The following CARS2 variants were observed in gnomAD, a reference collection of about 807,000 sequenced individuals.
CARS2 encodes cysteinyl-tRNA synthetase 2, mitochondrial.
In CARS2, 52 loss-of-function variants were observed where a neutral mutation model predicts 68.8. The ratio of observed to expected loss-of-function variants is 0.76; its 90% confidence interval spans 0.61 to 0.95. The LOEUF (loss-of-function observed/expected upper bound fraction) is 0.95. Among genes scored for constraint, CARS2 ranks in the 40% least tolerant of loss-of-function variants. The probability of loss-of-function intolerance (pLI) is 0.00; values close to 1 mark genes in which losing one functional copy is unlikely to be tolerated. For missense variants in CARS2, 780 were observed against 754.2 expected, an observed-to-expected ratio of 1.03 and a Z score of -0.40; for synonymous variants, 314 against 303.6, an observed-to-expected ratio of 1.03 and a Z score of -0.36.
chr13:110,644,662 T>G, intron 12 of CARS2, 179 bp from the exon 13 acceptor site: 1 of 1,058,528 alleles, frequency 9.4e-7, no homozygotes, highest in East Asian at 2.7e-5. Context: ...ACCATACAAC[T>G]ATAGGTGCAT....
intron 1 of CARS2, chr13:110,713,018 A>G (rs2064053090): frequency 2.6e-6 from 4 of 1,514,778 alleles, no homozygotes; most frequent in Non-Finnish European, 1.8e-6. Flanking sequence ...CTCAAAGGAC[A>G]CCGAGAGGGT....
intron 8 of CARS2, chr13:110,667,006 CAA>C: frequency 1.1e-6 from 1 of 927,588 alleles, no homozygotes; most frequent in Non-Finnish European, 1.3e-6. Context: ...TGTCTAGTGA[CAA>C]CATTATAGCT....
At chr13:110,671,984 G>A (rs550955440) in intron 7 of CARS2, among the ~76,000 whole-genome samples, 3 of 152,266 alleles carry the variant, frequency 2.0e-5, no homozygotes, top group African/African-American at 7.2e-5. Context: ...TTACATAATG[G>A]TAAAGGGATC....
chr13:110,681,180 C>T (rs1326876554), intron 6 of CARS2, among the ~76,000 whole-genome samples: 1 of 152,208 alleles, frequency 6.6e-6, no homozygotes, highest in Non-Finnish European at 1.5e-5. Context: ...GCTGGAATTA[C>T]AGGTGTGAGC....
intron 9 of CARS2, among the ~76,000 whole-genome samples, chr13:110,651,765 T>G (rs778302993): frequency 1.4e-4 from 22 of 152,202 alleles, no homozygotes; most frequent in Non-Finnish European, 3.2e-4. Context: ...GCTTTCTACA[T>G]GAGGAAGCTT....
At chr13:110,650,972 T>C in intron 10 of CARS2, 62 bp downstream of exon 10, 1 of 1,257,484 alleles carries the variant, frequency 8.0e-7, no homozygotes, top group Admixed American at 1.8e-5. Context: ...CTGTTTTCAG[T>C]CCTGTCAGAA....
At chr13:110,669,898 C>T (rs889691541) in intron 7 of CARS2, among the ~76,000 whole-genome samples, 11 of 152,192 alleles carry the variant, frequency 7.2e-5, no homozygotes, top group Non-Finnish European at 1.3e-4. Context: ...GCAAACGGCA[C>T]ACCAGGAGAT....
At chr13:110,679,127 C>T (rs890299088) in intron 6 of CARS2, among the ~76,000 whole-genome samples, 2 of 141,486 alleles carry the variant, frequency 1.4e-5, no homozygotes, top group African/African-American at 5.3e-5. Context: ...CGTTCATTAC[C>T]TCAGTCTATG....
Position 110,688,097 on chromosome 13 carries a change from T to C in CARS2, c.394-79A>G, listed in dbSNP as rs529576770. ...CCACCCAGCCACAAGAAAGCCCACG[T>C]GCACAACACGACAGCAAACATACCC... On this transcript the variant is annotated intron_variant, in intron 3 of 14. Coordinates refer to ENST00000257347, the MANE Select transcript of CARS2 (RefSeq NM_024537.4). 66 of 945,730 alleles carry C rather than the reference T, an allele frequency of 7.0e-5. No individual in the cohort carries two copies. In the South Asian group the frequency reaches 9.2e-4, roughly 13 times the overall value. The allele number at this position is 945,730 out of a possible 1,614,324, so 58.6% of individuals were successfully genotyped here. A position where few individuals can be genotyped will look rare whatever the true frequency, so the allele number is the denominator to read the frequency against.
intron 8 of CARS2, chr13:110,663,915 C>T: frequency 6.0e-6 from 6 of 1,004,814 alleles, no homozygotes; most frequent in Non-Finnish European, 5.9e-6. Context: ...ACAAATCAGG[C>T]ACTTGGCGGT....
In CARS2 at chr13:110,642,304, G is replaced by A; in HGVS notation, c.1623+11C>T. The stretch of plus-strand genomic sequence containing the variant: ...CTGGGGTGATGTCCCTGACCTTGGT[G>A]CGGCACTCACCTTGATGTTGATGCC... On this transcript the variant is annotated intron_variant, in intron 14 of 14. Coordinates refer to ENST00000257347, the MANE Select transcript of CARS2 (RefSeq NM_024537.4). 1.9e-6 allele frequency: 3 copies of A among 1,545,406 alleles called. No homozygotes were observed. The highest frequency in any genetic ancestry group is 2.5e-5 in the East Asian group (1 of 40,800).
chr13:110,699,201 T>A (rs372558555), intron 3 of CARS2, among the ~76,000 whole-genome samples: 42 of 152,314 alleles, frequency 2.8e-4, no homozygotes, highest in Non-Finnish European at 5.1e-4. Flanking sequence ...CTATTCATTA[T>A]AAATTACCCA....
intron 6 of CARS2, among the ~76,000 whole-genome samples, chr13:110,677,414 C>T (rs1377021584): frequency 1.1e-4 from 16 of 147,808 alleles, no homozygotes; most frequent in African/African-American, 3.5e-4. Flanking sequence ...ACCCTTACCA[C>T]GGAAACCCAA....
intron 13 of CARS2, chr13:110,644,163 T>C: frequency 6.9e-7 from 1 of 1,441,152 alleles, no homozygotes; most frequent in Non-Finnish European, 9.2e-7. Flanking sequence ...TCTCTGGTTC[T>C]GCGCACGAGA....
At chr13:110,692,259 C>T (rs1297661351) in intron 3 of CARS2, among the ~76,000 whole-genome samples, 1 of 151,346 alleles carries the variant, frequency 6.6e-6, no homozygotes, top group Non-Finnish European at 1.5e-5. Flanking sequence ...CACCTGAGGC[C>T]GGGAGTTCAA....
chr13:110,645,645 A>G (rs1246104525), intron 12 of CARS2: 3 of 245,920 alleles, frequency 1.2e-5, no homozygotes, highest in African/African-American at 6.8e-5. Context: ...TTCCCCACAA[A>G]AGCTCTCTCT....
At chr13:110,709,183 G>A (rs984005984), upstream of CARS2, among the ~76,000 whole-genome samples, 1 of 149,930 alleles carries the variant, frequency 6.7e-6, no homozygotes, top group African/African-American at 2.5e-5. Context: ...TCTTTCTCAC[G>A]TCTCCCGGGT....
chr13:110,642,278 C>T, intron 14 of CARS2, 37 bp downstream of exon 14: 3 of 1,513,046 alleles, frequency 2.0e-6, no homozygotes, highest in Non-Finnish European at 2.7e-6. Flanking sequence ...CTACCCGGCT[C>T]CTGGGGTGAT....
Position 110,687,691 on chromosome 13 carries a change from AG to A in CARS2, c.571+29del, listed in dbSNP as rs370120997. 333 of 1,208,478 alleles carry A rather than the reference AG, an allele frequency of 2.8e-4. 1 individual carries two copies. In the African/African-American group the frequency reaches 4.0e-3, roughly 14 times the overall value. 74.9% of individuals were successfully genotyped at this position (1,208,478 alleles called of 1,614,324 possible). A position where few individuals can be genotyped will look rare whatever the true frequency, so the allele number is the denominator to read the frequency against. On this transcript the variant is annotated intron_variant, in intron 5 of 14. Transcript: ENST00000257347. ...AAAACTCTGTCTCAAAAAAAAAAAA[AG>A]AAAAAAAAAAAAAGAACATAAACCC...
Sources: gnomAD v4.1 joint callset for allele counts (sites outside exome capture counted in the v4.1 genomes callset) on GRCh38, gnomAD v4.1.1 for gene constraint, MANE v1.5 for transcripts, NCBI Gene and HGNC (gene_info 2026-07-23, HGNC 2026-07-21) for gene names.